The following VSNL1 variants were observed in gnomAD, a reference collection of about 807,000 sequenced individuals.
VSNL1 encodes the protein visinin-like protein 1.
VSNL1 carries 6 observed loss-of-function variants against 20.4 expected under a neutral mutation model. That is an observed-to-expected ratio of 0.29 (90% CI 0.16 to 0.58). The LOEUF is 0.58. Among genes scored for constraint, VSNL1 ranks in the 20% least tolerant of loss-of-function variants. The probability of loss-of-function intolerance (pLI) is 0.90; values close to 1 mark genes in which losing one functional copy is unlikely to be tolerated. For missense variants in VSNL1, 100 were observed against 234.5 expected, an observed-to-expected ratio of 0.43 and a Z score of 3.75; for synonymous variants, 93 against 86.4, an observed-to-expected ratio of 1.08 and a Z score of -0.42.
intron 2 of VSNL1, among the ~76,000 whole-genome samples, chr2:17,647,824 C>T (rs1189297497): frequency 6.6e-6 from 1 of 152,038 alleles, no homozygotes; most frequent in East Asian, 1.9e-4. Flanking sequence ...ACAGAGACCT[C>T]GAGGTATTGC....
intron 1 of VSNL1, among the ~76,000 whole-genome samples, chr2:17,566,869 T>C (rs1398037758): frequency 1.3e-5 from 2 of 152,190 alleles, no homozygotes. Context: ...ACAGTTTTAT[T>C]GAATATATTT....
intron 2 of VSNL1, among the ~76,000 whole-genome samples, chr2:17,642,309 CTT>C (rs577471307): frequency 0.12 from 11,293 of 93,244 alleles, 1,612 homozygotes; most frequent in African/African-American, 0.28. Context: ...GTGAGCATTC[CTT>C]TTTTTTTTTT....
chr2:17,625,361 G>A (rs908234318), intron 2 of VSNL1, among the ~76,000 whole-genome samples: 1 of 152,124 alleles, frequency 6.6e-6, no homozygotes, highest in Non-Finnish European at 1.5e-5. Flanking sequence ...GCTTGATATT[G>A]GAAACCAGGT....
intron 1 of VSNL1, among the ~76,000 whole-genome samples, chr2:17,566,687 T>C (rs141735701): frequency 6.6e-6 from 1 of 152,320 alleles, no homozygotes; most frequent in East Asian, 1.9e-4. Context: ...GTTGCTTTTG[T>C]CTTAAAAACA....
rs1031081401 is a variant in VSNL1 at position 17,656,797 on chromosome 2, G to T, written c.*1403G>T. On this transcript the variant is annotated 3_prime_UTR_variant, in exon 4 of 4. Transcript: ENST00000295156. ...CACGCTAGCTATAACTGCACATATG[G>T]CTACTGAGCACTTCAAGTATGGCTA... 6.6e-6 allele frequency: 1 copy of T among 152,160 alleles called. No individual in the cohort carries two copies. Among genetic ancestry groups the T allele is most frequent in the Non-Finnish European group, 1.5e-5 (1 of 68,038 alleles). 9.4% of individuals were successfully genotyped at this position (152,160 alleles called of 1,614,324 possible).
intron 2 of VSNL1, among the ~76,000 whole-genome samples, chr2:17,627,446 A>C (rs1665538203): frequency 6.6e-6 from 1 of 152,230 alleles, no homozygotes; most frequent in African/African-American, 2.4e-5. Context: ...ATACACACAG[A>C]GGTGTCTATG....
At chr2:17,554,495 C>CT (rs550901154) in intron 1 of VSNL1, among the ~76,000 whole-genome samples, 11 of 152,060 alleles carry the variant, frequency 7.2e-5, no homozygotes, top group South Asian at 6.2e-4. Flanking sequence ...GTACAGAACT[C>CT]TTTTTTTTAT....
At chr2:17,611,296 T>C (rs750094893) in intron 2 of VSNL1, among the ~76,000 whole-genome samples, 1 of 152,228 alleles carries the variant, frequency 6.6e-6, no homozygotes, top group East Asian at 1.9e-4. Flanking sequence ...ATGACTAAGC[T>C]GCGCATAGGT....
At chr2:17,575,538 T>A (rs931224550) in intron 1 of VSNL1, among the ~76,000 whole-genome samples, 7 of 151,996 alleles carry the variant, frequency 4.6e-5, no homozygotes, top group Non-Finnish European at 7.4e-5. Flanking sequence ...TTTTTTTATT[T>A]TTTTTATTTT....
upstream of VSNL1, among the ~76,000 whole-genome samples, chr2:17,540,373 G>A (rs1299607948): frequency 6.6e-6 from 1 of 152,244 alleles, no homozygotes; most frequent in East Asian, 1.9e-4. Context: ...TGGGCGTGGC[G>A]AGTCCGGGTA....
Position 17,629,782 on chromosome 2 carries a change from T to A in VSNL1, c.163-19628T>A, listed in dbSNP as rs185401916. On this transcript the variant is annotated intron_variant, in intron 2 of 3. Coordinates refer to ENST00000295156, the MANE Select transcript of VSNL1 (RefSeq NM_003385.5). ...TCATCCAAGAAGAATAAGGTTACAC[T>A]GACAATTAGAAGGGTAAGGATGGGC... Among the ~76,000 whole-genome samples the A allele has an allele frequency of 2.6e-4, 39 of 152,328 alleles. 1 individual carries two copies. Among genetic ancestry groups the A allele is most frequent in the Non-Finnish European group, 4.8e-4 (33 of 68,042 alleles).
chr2:17,618,720 C>T (rs759313552), intron 2 of VSNL1, among the ~76,000 whole-genome samples: 2 of 152,168 alleles, frequency 1.3e-5, no homozygotes, highest in African/African-American at 2.4e-5. Context: ...GATAAGCACT[C>T]TGCTAGATTT....
At chr2:17,630,935 C>T (rs1363230198) in intron 2 of VSNL1, among the ~76,000 whole-genome samples, 1 of 152,158 alleles carries the variant, frequency 6.6e-6, no homozygotes, top group African/African-American at 2.4e-5. Context: ...GCACACAACA[C>T]CACGCCTGGC....
chr2:17,618,426 C>A (rs1229825391), intron 2 of VSNL1, among the ~76,000 whole-genome samples: 2 of 152,202 alleles, frequency 1.3e-5, no homozygotes, highest in South Asian at 4.1e-4. Context: ...ACTGTCACGT[C>A]CCCTTCTCTG....
chr2:17,570,466 G>A (rs1258535539), intron 1 of VSNL1, among the ~76,000 whole-genome samples: 2 of 152,074 alleles, frequency 1.3e-5, no homozygotes, highest in Non-Finnish European at 2.9e-5. Flanking sequence ...AACACCAAAG[G>A]TTTATAGTAT....
In VSNL1 at chr2:17,592,065, T is replaced by C. The variant is rs1301808409; in HGVS notation, c.-5-5T>C. On this transcript the variant is annotated splice_polypyrimidine_tract_variant and splice_region_variant and intron_variant, in intron 1 of 3. Transcript: ENST00000295156. ...CGCTAATTGAATTAATTTGCTTTTC[T>C]TCAGGCAGGATGGGGAAGCAGAATA... The C allele has an allele frequency of 1.2e-6, 2 of 1,613,568 alleles. No individual in the cohort carries two copies. The highest frequency in any genetic ancestry group is 2.2e-5 in the East Asian group (1 of 44,864).
chr2:17,610,702 A>G (rs1436166972), intron 2 of VSNL1, among the ~76,000 whole-genome samples: 2 of 152,194 alleles, frequency 1.3e-5, no homozygotes, highest in Non-Finnish European at 2.9e-5. Context: ...AGCCCTGTTG[A>G]GGACAGAGAA....
intron 2 of VSNL1, among the ~76,000 whole-genome samples, chr2:17,628,475 G>C (rs533272127): frequency 6.6e-6 from 1 of 151,758 alleles, no homozygotes; most frequent in African/African-American, 2.4e-5. Context: ...ACAGAGAAGA[G>C]TGACATTGTG....
At chr2:17,560,253 G>T (rs1006999752) in intron 1 of VSNL1, among the ~76,000 whole-genome samples, 1 of 150,404 alleles carries the variant, frequency 6.6e-6, no homozygotes, top group African/African-American at 2.4e-5. Context: ...TTTTATTTTA[G>T]GCATGCATTT....
Sources: gnomAD v4.1 joint callset for allele counts (sites outside exome capture counted in the v4.1 genomes callset) on GRCh38, gnomAD v4.1.1 for gene constraint, MANE v1.5 for transcripts, NCBI Gene and HGNC (gene_info 2026-07-23, HGNC 2026-07-21) for gene names.